ERC2: variants seen among roughly 807,000 people sequenced by gnomAD.
The protein encoded by ERC2 is ELKS/RAB6-interacting/CAST family member 2.
Under a neutral mutation model 114.8 loss-of-function variants are expected in ERC2, and 42 were observed. The observed-to-expected ratio is 0.37, with a 90% CI of 0.29 to 0.47. ERC2 has a LOEUF of 0.47. ERC2 is among the 20% of genes least tolerant of loss of function. The pLI is 0.99. For missense variants in ERC2, 939 were observed against 1,150.7 expected (o/e 0.82, Z 2.66); for synonymous variants, 454 against 425.5 (o/e 1.07, Z -0.82).
At chr3:55,528,015 G>C (rs533051532) in intron 17 of ERC2, among the ~76,000 whole-genome samples, 56 of 152,220 alleles carry the variant, frequency 3.7e-4, no homozygotes, top group African/African-American at 1.1e-3. Flanking sequence ...CACCCCACAG[G>C]CTTCCTTGGA....
chr3:56,155,234 C>T (rs966079579), intron 4 of ERC2, among the ~76,000 whole-genome samples: 1 of 151,998 alleles, frequency 6.6e-6, no homozygotes, highest in Admixed American at 6.6e-5. Context: ...TACCATGGGT[C>T]TTCTGAACAC....
intron 17 of ERC2, among the ~76,000 whole-genome samples, chr3:55,592,979 TC>T: frequency 6.6e-6 from 1 of 152,204 alleles, no homozygotes; most frequent in East Asian, 1.9e-4. Flanking sequence ...GTCCTTCTAT[TC>T]ACTCATTCAA....
chr3:55,962,725 A>C (rs2068473777), intron 12 of ERC2, among the ~76,000 whole-genome samples: 2 of 152,218 alleles, frequency 1.3e-5, no homozygotes, highest in African/African-American at 2.4e-5. Flanking sequence ...CGAAAGTTAC[A>C]GAGCTAGTGA....
chr3:55,829,873 G>A (rs1575747112), intron 14 of ERC2, among the ~76,000 whole-genome samples: 1 of 152,082 alleles, frequency 6.6e-6, no homozygotes, highest in East Asian at 1.9e-4. Flanking sequence ...AAGAAAAAGA[G>A]TGCAGTGCTG....
At chr3:56,301,164 C>T (rs1405109414) in intron 2 of ERC2, among the ~76,000 whole-genome samples, 2 of 152,144 alleles carry the variant, frequency 1.3e-5, no homozygotes, top group Non-Finnish European at 2.9e-5. Context: ...CCAGGCTGTA[C>T]ATTTATTAAG....
At chr3:56,226,708 G>A (rs997296917) in intron 3 of ERC2, among the ~76,000 whole-genome samples, 28 of 152,146 alleles carry the variant, frequency 1.8e-4, no homozygotes, top group African/African-American at 6.5e-4. Flanking sequence ...CTGGTGGCCA[G>A]GGAGAAAGAG....
chr3:56,087,625 G>T lies in ERC2; in HGVS notation c.1474-6641C>A, dbSNP rs1576878523. Among the ~76,000 whole-genome samples the T allele has an allele frequency of 2.0e-5, 3 of 152,210 alleles. No individual in the cohort carries two copies. In the East Asian group the frequency reaches 5.8e-4, roughly 29 times the overall value. ...GAAAAAAACACCTGAGGGAGAAAAAGGGGCCACTTGAAAATTTTCACAGAT... is the reference window on the plus strand; with the variant it reads ...GAAAAAAACACCTGAGGGAGAAAAATGGGCCACTTGAAAATTTTCACAGAT... On this transcript the variant is annotated intron_variant, in intron 6 of 17. Transcript: ENST00000288221.
At chr3:56,020,523 T>C (rs1206177583) in intron 7 of ERC2, among the ~76,000 whole-genome samples, 1 of 152,192 alleles carries the variant, frequency 6.6e-6, no homozygotes, top group African/African-American at 2.4e-5. Context: ...GCTTCCTCCC[T>C]TCCAGACAAA....
At chr3:56,079,591 A>G (rs1022699294) in intron 7 of ERC2, among the ~76,000 whole-genome samples, 1 of 152,136 alleles carries the variant, frequency 6.6e-6, no homozygotes, top group Admixed American at 6.5e-5. Context: ...ATGGAAGCCA[A>G]TGGAGGTGGG....
chr3:55,765,019 A>C (rs1053163508), intron 14 of ERC2, among the ~76,000 whole-genome samples: 7 of 152,198 alleles, frequency 4.6e-5, no homozygotes, highest in Non-Finnish European at 7.3e-5. Context: ...AGAGTCACCT[A>C]TTAGAACAAT....
chr3:55,896,164 C>A (rs1453224678), intron 13 of ERC2, among the ~76,000 whole-genome samples: 1 of 152,224 alleles, frequency 6.6e-6, no homozygotes, highest in Non-Finnish European at 1.5e-5. Context: ...ACATGCCAGG[C>A]ACTCTGCTGG....
chr3:55,867,213 T>C (rs936017072), intron 14 of ERC2, among the ~76,000 whole-genome samples: 1 of 151,904 alleles, frequency 6.6e-6, no homozygotes, highest in Non-Finnish European at 1.5e-5. Context: ...AAATTTCCTT[T>C]CCTAATTCCC....
chr3:55,701,877 T>C (rs1300645346), intron 15 of ERC2, among the ~76,000 whole-genome samples: 2 of 152,240 alleles, frequency 1.3e-5, no homozygotes, highest in African/African-American at 4.8e-5. Flanking sequence ...TGGAATTGTT[T>C]CTTCTAAATA....
At position 56,080,952 on chromosome 3, in the gene ERC2, T is replaced by C. The variant is rs758577514; in HGVS notation, c.1506A>G (p.Lys502=). 62 of 1,613,240 alleles carry C rather than the reference T, an allele frequency of 3.8e-5. 1 individual carries two copies. The East Asian group carries it at 1.3e-3, about 34-fold the overall frequency. Residue 502 remains lysine, a synonymous_variant, in exon 7 of 18, where the codon AAA becomes AAG. Transcript: ENST00000288221. The part of the protein sequence containing the change: ...VDALRLRLEE[K]ESFLNKKTKQ... The stretch of plus-strand genomic sequence containing the variant: ...TTGTTTTTTTATTGAGGAAAGATTC[T>C]TTTTCTTCCAGTCGTAATCTCAGCG...
At chr3:55,594,493 A>G (rs1385781030) in intron 17 of ERC2, among the ~76,000 whole-genome samples, 1 of 151,750 alleles carries the variant, frequency 6.6e-6, no homozygotes, top group Non-Finnish European at 1.5e-5. Context: ...TATTATTATT[A>G]TTATTTGAGA....
At chr3:55,773,940 A>G (rs2068414348) in intron 14 of ERC2, among the ~76,000 whole-genome samples, 1 of 152,158 alleles carries the variant, frequency 6.6e-6, no homozygotes, top group South Asian at 2.1e-4. Flanking sequence ...TTGTCATTTT[A>G]TTCTCTTCCT....
At chr3:55,708,910 G>T (rs1401232040) in intron 15 of ERC2, among the ~76,000 whole-genome samples, 1 of 149,662 alleles carries the variant, frequency 6.7e-6, no homozygotes, top group Non-Finnish European at 1.5e-5. Context: ...GGGAAGAGAA[G>T]ACAAGAGAAG....
At chr3:56,117,209 C>A (rs532032472) in intron 6 of ERC2, among the ~76,000 whole-genome samples, 1 of 152,322 alleles carries the variant, frequency 6.6e-6, no homozygotes, top group African/African-American at 2.4e-5. Context: ...CTGTGCTTGG[C>A]TCAGTGCTTA....
At chr3:55,693,579 G>C (rs4955864) in intron 16 of ERC2, among the ~76,000 whole-genome samples, 58,632 of 151,886 alleles carry the variant, frequency 0.39, 12,259 homozygotes, top group East Asian at 0.62. Context: ...AGCAGGAATA[G>C]AGAAGAGTAA....
Sources: gnomAD v4.1 joint callset for allele counts (sites outside exome capture counted in the v4.1 genomes callset) on GRCh38, gnomAD v4.1.1 for gene constraint, MANE v1.5 for transcripts, NCBI Gene and HGNC (gene_info 2026-07-23, HGNC 2026-07-21) for gene names.